KCNAB2: variants seen among roughly 807,000 people sequenced by gnomAD.
KCNAB2 encodes the protein potassium voltage-gated channel subfamily A regulatory beta subunit 2.
A neutral mutation model predicts 63.6 loss-of-function variants in KCNAB2; 29 were observed. The ratio of observed to expected loss-of-function variants is 0.46; its 90% CI spans 0.34 to 0.62. The LOEUF is 0.62. Among genes scored for constraint, KCNAB2 ranks in the 20% least tolerant of loss-of-function variants. The pLI, the probability that KCNAB2 is intolerant of heterozygous loss-of-function variation, is 0.01. For synonymous variants in KCNAB2, 222 were observed against 224.2 expected (o/e 0.99, Z 0.09); for missense variants, 359 against 563.9 (o/e 0.64, Z 3.68).
chr1:6,043,295 G>A (rs1660654614), upstream of KCNAB2, among the ~76,000 whole-genome samples: 1 of 151,132 alleles, frequency 6.6e-6, no homozygotes, highest in Admixed American at 6.6e-5. Flanking sequence ...CACAGGTACA[G>A]ACCATCCAGC....
At position 6,100,048 on chromosome 1, in the gene KCNAB2, C is replaced by A. The variant is rs1460781018; in HGVS notation, c.*1474C>A. The stretch of plus-strand genomic sequence containing the variant: ...ATAGGGAAGCCTGTGTCTCCTGCCC[C>A]CAGGGCGCACCCTCAGTGCAGGCAC... On this transcript the variant is annotated 3_prime_UTR_variant, in exon 16 of 16. Coordinates refer to ENST00000378083, the MANE Select transcript of KCNAB2 (RefSeq NM_001199862.2). 6.6e-7 allele frequency: 1 copy of A among 1,503,950 alleles called. No homozygotes were observed. The highest frequency in any genetic ancestry group is 8.9e-7 in the Non-Finnish European group (1 of 1,124,160). The allele number at this position is 1,503,950 out of a possible 1,614,324, so 93.2% of individuals were successfully genotyped here.
chr1:6,037,872 CTT>C (rs1210270485), intron 1 of KCNAB2, among the ~76,000 whole-genome samples: 21 of 117,596 alleles, frequency 1.8e-4, no homozygotes, highest in Admixed American at 2.7e-4. Flanking sequence ...GAATGAGGGT[CTT>C]TTTTTTTTTT....
At chr1:6,006,657 T>TC (rs1553211118) in intron 1 of KCNAB2, among the ~76,000 whole-genome samples, 3 of 6,044 alleles carry the variant, frequency 5.0e-4, no homozygotes, top group African/African-American at 1.2e-3. Context: ...AGGTCCCACA[T>TC]CCCCCACTTC....
chr1:6,037,169 G>A (rs771522278), intron 1 of KCNAB2, among the ~76,000 whole-genome samples: 2 of 152,162 alleles, frequency 1.3e-5, no homozygotes, highest in Non-Finnish European at 2.9e-5. Context: ...GCAGATTCTT[G>A]GACCCCCACC....
intron 6 of KCNAB2, among the ~76,000 whole-genome samples, chr1:6,085,541 T>C (rs1664626101): frequency 6.6e-6 from 1 of 152,102 alleles, no homozygotes; most frequent in African/African-American, 2.4e-5. Flanking sequence ...GCTTGCAAAG[T>C]GTCAGGCCAA....
At chr1:6,067,326 G>A (rs192934561) in intron 2 of KCNAB2, among the ~76,000 whole-genome samples, 2 of 152,296 alleles carry the variant, frequency 1.3e-5, no homozygotes, top group African/African-American at 4.8e-5. Context: ...CCTGAAACTG[G>A]AGTGCAGGCC....
chr1:6,031,733 A>C (rs2100395261), upstream of KCNAB2, among the ~76,000 whole-genome samples: 1 of 152,100 alleles, frequency 6.6e-6, no homozygotes, highest in Non-Finnish European at 1.5e-5. This position sits in a 1 kb window ranked among gnomAD's most constrained non-coding sequence, Gnocchi z 4.1. Context: ...TTAAAAAAAA[A>C]AAAAAAATAG....
intron 2 of KCNAB2, among the ~76,000 whole-genome samples, chr1:6,064,216 C>G (rs575538825): frequency 6.6e-6 from 1 of 152,364 alleles, no homozygotes; most frequent in East Asian, 1.9e-4. Context: ...GCCTTCTGGG[C>G]TGGGCCTCAG....
intron 2 of KCNAB2, among the ~76,000 whole-genome samples, chr1:6,067,312 G>GTGAC (rs1265812026): frequency 6.6e-6 from 1 of 152,214 alleles, no homozygotes. Flanking sequence ...CTGCTTTTCA[G>GTGAC]TGACCTGAAA....
upstream of KCNAB2, among the ~76,000 whole-genome samples, chr1:6,032,779 C>T (rs1165771797): frequency 6.6e-6 from 1 of 152,212 alleles, no homozygotes; most frequent in Non-Finnish European, 1.5e-5. Context: ...AAGGAAAAGA[C>T]CTCCCCAAAA....
rs186003362 is a variant in KCNAB2 at position 6,021,830 on chromosome 1, A to T, written c.-52-18687A>T. ...TTCAGTGGTATTGAGGGTAAAGTGCAGTGGTATTGAGGGTAAAGTGCAGTG... is the reference window on the plus strand; with the variant it reads ...TTCAGTGGTATTGAGGGTAAAGTGCTGTGGTATTGAGGGTAAAGTGCAGTG... On this transcript the variant is annotated intron_variant, in intron 1 of 16. Transcript: ENST00000341524. Among the ~76,000 whole-genome samples, 38 of 151,584 alleles carry T rather than the reference A, an allele frequency of 2.5e-4. No individual in the cohort carries two copies. The East Asian group carries it at 6.2e-3, about 25-fold the overall frequency.
chr1:6,001,296 CCA>C (rs56828069), intron 1 of KCNAB2, among the ~76,000 whole-genome samples: 56,621 of 146,762 alleles, frequency 0.39, 10,878 homozygotes, highest in East Asian at 0.58. Context: ...CATGTGATCA[CCA>C]CACACACACA....
rs1293262979 is a variant in KCNAB2, at chr1:6,024,016, A to G, written c.-52-16501A>G. On this transcript the variant is annotated intron_variant, in intron 1 of 16. Transcript: ENST00000341524. The surrounding 1 kb of genome is among the most constrained non-coding windows in gnomAD (Gnocchi z 5.4). ...GAGTGCAATGGCACAATCTAGGCTC[A>G]CTGCGACCTCCGCCTCCTGGGTTCA... Among the ~76,000 whole-genome samples, 1 of 151,308 alleles carries G rather than the reference A, an allele frequency of 6.6e-6. No individual in the cohort carries two copies. The highest frequency in any genetic ancestry group is 2.4e-5 in the African/African-American group (1 of 41,090).
chr1:6,095,465 G>GCCCCCCCCCCCCCCCCC, intron 12 of KCNAB2, 22 bp downstream of exon 12: 2 of 1,586,134 alleles, frequency 1.3e-6, no homozygotes, highest in Non-Finnish European at 1.7e-6. Context: ...CGGGCCCCTC[G>GCCCCCCCCCCCCCCCCC]CCCCGCCCCA....
chr1:6,017,136 A>G (rs1175218738), intron 1 of KCNAB2, among the ~76,000 whole-genome samples: 3 of 152,126 alleles, frequency 2.0e-5, no homozygotes, highest in African/African-American at 7.2e-5. Flanking sequence ...CAGGCCCACA[A>G]GGATGGGCAA....
At chr1:6,021,329 T>G (rs1570877694) in intron 1 of KCNAB2, among the ~76,000 whole-genome samples, 1 of 152,200 alleles carries the variant, frequency 6.6e-6, no homozygotes, top group East Asian at 1.9e-4. Flanking sequence ...GCTTAAATAT[T>G]TGGCTTAAAC....
intron 1 of KCNAB2, among the ~76,000 whole-genome samples, chr1:6,001,392 C>T (rs1260063856): frequency 6.6e-6 from 1 of 152,170 alleles, no homozygotes; most frequent in Non-Finnish European, 1.5e-5. Context: ...CTCTGCCTCA[C>T]CCAGGGCCGG....
chr1:6,078,496 C>T lies in KCNAB2; in HGVS notation c.301-3699C>T, dbSNP rs6691742. 2.6e-5 allele frequency among the ~76,000 whole-genome samples: 4 copies of T among 151,878 alleles called. No individual in the cohort carries two copies. Among genetic ancestry groups the T allele is most frequent in the South Asian group, 2.1e-4 (1 of 4,820 alleles). On this transcript the variant is annotated intron_variant, in intron 4 of 15. Coordinates refer to ENST00000378083, the MANE Select transcript of KCNAB2 (RefSeq NM_001199862.2). The surrounding 1 kb of genome is among the most constrained non-coding windows in gnomAD (Gnocchi z 4.2). ...GTCAGGAAGCAGAAGCGAGCAAGGA[C>T]GCCACGTGGTGGTCCAGAGAAAGAG...
intron 2 of KCNAB2, 86 bp from the exon 3 acceptor site, chr1:6,072,669 G>A: frequency 1.4e-6 from 2 of 1,419,806 alleles, no homozygotes; most frequent in Non-Finnish European, 2.0e-6. Context: ...GGGGGAGTGG[G>A]TGGGGGGCTG....
Sources: gnomAD v4.1 joint callset for allele counts (sites outside exome capture counted in the v4.1 genomes callset) on GRCh38, gnomAD v4.1.1 for gene constraint, Gnocchi (gnomAD v3.1) non-coding constraint, MANE v1.5 for transcripts, NCBI Gene and HGNC (gene_info 2026-07-23, HGNC 2026-07-21) for gene names.